Variants in CDK14 observed in about 807,000 individuals in gnomAD.
The protein encoded by CDK14 is cyclin-dependent kinase 14.
CDK14 carries 34 observed loss-of-function variants against 60.7 expected under a neutral mutation model. The observed-to-expected ratio is 0.56, with a 90% confidence interval of 0.43 to 0.75. The LOEUF is 0.75. Among genes scored for constraint, CDK14 ranks in the 30% least tolerant of loss-of-function variants. CDK14 has a pLI of 0.00. For synonymous variants in CDK14, 197 were observed against 203.7 expected (o/e 0.97, Z 0.28); for missense variants, 482 against 564.1 (o/e 0.85, Z 1.47).
chr7:91,073,794 G>A (rs1781274201), intron 11 of CDK14, among the ~76,000 whole-genome samples: 1 of 151,108 alleles, frequency 6.6e-6, no homozygotes, highest in South Asian at 2.1e-4. Flanking sequence ...CAAAATAAGG[G>A]ATGGAGGAAA....
chr7:91,004,771 A>G (rs944907382), intron 10 of CDK14, among the ~76,000 whole-genome samples: 1 of 152,242 alleles, frequency 6.6e-6, no homozygotes, highest in Admixed American at 6.5e-5. Flanking sequence ...GCATTCACCA[A>G]TGGATGGTTA....
intron 5 of CDK14, among the ~76,000 whole-genome samples, chr7:90,843,540 C>T (rs1038595372): frequency 6.6e-6 from 1 of 152,152 alleles, no homozygotes; most frequent in Non-Finnish European, 1.5e-5. Flanking sequence ...TACATCTAAT[C>T]ATATTCCTCA....
chr7:91,165,560 G>A (rs1408837600), intron 14 of CDK14, among the ~76,000 whole-genome samples: 1 of 152,148 alleles, frequency 6.6e-6, no homozygotes, highest in African/African-American at 2.4e-5. Context: ...GTTCTGGCTA[G>A]TAATAGTTTC....
chr7:90,762,482 G>T (rs1402055390), intron 4 of CDK14, among the ~76,000 whole-genome samples: 2 of 152,096 alleles, frequency 1.3e-5, no homozygotes, highest in African/African-American at 4.8e-5. Context: ...GAACAGATAA[G>T]TTACAAACGT....
intron 9 of CDK14, chr7:90,979,334 A>G (rs1795164316): frequency 6.6e-6 from 1 of 152,130 alleles, no homozygotes; most frequent in Non-Finnish European, 1.5e-5. Flanking sequence ...TTAGCTCTCT[A>G]AAGATTCTTC....
At chr7:90,646,978 T>C (rs1428981962) in intron 2 of CDK14, among the ~76,000 whole-genome samples, 3 of 152,198 alleles carry the variant, frequency 2.0e-5, no homozygotes, top group East Asian at 1.9e-4. Flanking sequence ...ATCTGAAATG[T>C]CTGTTTTTCC....
At chr7:90,925,444 A>G (rs1793388096) in intron 8 of CDK14, among the ~76,000 whole-genome samples, 1 of 152,246 alleles carries the variant, frequency 6.6e-6, no homozygotes, top group South Asian at 2.1e-4. Flanking sequence ...ATGGAAAACG[A>G]TGGAAGATTT....
chr7:90,704,812 G>A (rs1030203317), intron 2 of CDK14, among the ~76,000 whole-genome samples: 1 of 152,024 alleles, frequency 6.6e-6, no homozygotes, highest in African/African-American at 2.4e-5. Context: ...AGAATTTCAC[G>A]GTGTTTTGGG....
chr7:91,016,527 G>A (rs1796307696), intron 10 of CDK14, among the ~76,000 whole-genome samples: 1 of 152,132 alleles, frequency 6.6e-6, no homozygotes, highest in South Asian at 2.1e-4. Flanking sequence ...TTTTGAAAGT[G>A]AGTTATGCAT....
chr7:91,184,620 C>T (rs913487814), intron 14 of CDK14, among the ~76,000 whole-genome samples: 12 of 152,100 alleles, frequency 7.9e-5, no homozygotes, highest in African/African-American at 2.7e-4. Context: ...TCTAGAGAGT[C>T]GCTGAGAACA....
intron 5 of CDK14, among the ~76,000 whole-genome samples, chr7:90,860,117 T>C (rs1790954855): frequency 6.6e-6 from 1 of 152,180 alleles, no homozygotes; most frequent in Non-Finnish European, 1.5e-5. Context: ...ATGAAGAATT[T>C]ATTCTCAAAT....
chr7:90,938,367 C>G (rs1034861946), intron 8 of CDK14, among the ~76,000 whole-genome samples: 3 of 152,188 alleles, frequency 2.0e-5, no homozygotes, highest in African/African-American at 7.2e-5. Flanking sequence ...TAGGCTTTTA[C>G]ATGGTGGAAT....
At chr7:90,727,777 G>A (rs1332295707) in intron 3 of CDK14, among the ~76,000 whole-genome samples, 3 of 151,978 alleles carry the variant, frequency 2.0e-5, no homozygotes, top group African/African-American at 7.2e-5. Context: ...GATTGCCCTG[G>A]CAGTTCTTCA....
At chr7:90,895,393 C>T (rs1401929458) in intron 6 of CDK14, among the ~76,000 whole-genome samples, 1 of 10,410 alleles carries the variant, frequency 9.6e-5, no homozygotes, top group Non-Finnish European at 1.7e-4. Context: ...CTCCTCTCCT[C>T]TCCTCTCCTC....
At position 90,601,922 on chromosome 7, in the gene CDK14, TTATGTATGTATGTATGTATG is replaced by T. The variant is rs66873680; in HGVS notation, c.92-2262_92-2243del. Among the ~76,000 whole-genome samples the T allele has an allele frequency of 3.9e-3, 562 of 143,384 alleles. 6 individuals are homozygous for T. Among genetic ancestry groups the T allele is most frequent in the African/African-American group, 0.011 (436 of 38,162 alleles). 94.1% of individuals were successfully genotyped at this position (143,384 alleles called of 152,430 possible). On this transcript the variant is annotated intron_variant, in intron 1 of 14. Transcript: ENST00000380050. ...GCACCACCACCACGCTTGGCTAATT[TTATGTATGTATGTATGTATG>T]TATGTATGTATGTATGTATGTATGT...
At chr7:90,988,405 C>T (rs1795435598) in intron 10 of CDK14, among the ~76,000 whole-genome samples, 1 of 152,128 alleles carries the variant, frequency 6.6e-6, no homozygotes, top group Non-Finnish European at 1.5e-5. Context: ...GCACCTAATT[C>T]TCCAAGCAGT....
intron 2 of CDK14, among the ~76,000 whole-genome samples, chr7:90,611,512 T>G (rs1007697992): frequency 2.0e-5 from 3 of 152,264 alleles, no homozygotes. Flanking sequence ...GATGCTATCC[T>G]AACCTTTTCT....
intron 14 of CDK14, among the ~76,000 whole-genome samples, chr7:91,140,676 C>T (rs1052877869): frequency 5.3e-5 from 8 of 152,136 alleles, no homozygotes; most frequent in Admixed American, 3.9e-4. Context: ...CCTTTCTTAG[C>T]CTCAGTTTTT....
At chr7:90,620,030 C>T (rs1345727979) in intron 2 of CDK14, among the ~76,000 whole-genome samples, 1 of 152,038 alleles carries the variant, frequency 6.6e-6, no homozygotes, top group Admixed American at 6.6e-5. Flanking sequence ...AGAGATATGA[C>T]TCTTTATTCA....
Sources: gnomAD v4.1 joint callset for allele counts (sites outside exome capture counted in the v4.1 genomes callset) on GRCh38, gnomAD v4.1.1 for gene constraint, MANE v1.5 for transcripts, NCBI Gene and HGNC (gene_info 2026-07-23, HGNC 2026-07-21) for gene names.